The following CSMD1 variants were observed in gnomAD, a reference collection of about 807,000 sequenced individuals.
CSMD1 encodes the protein CUB and sushi domain-containing protein 1.
CSMD1 carries 213 observed loss-of-function variants against 417.5 expected under a neutral mutation model. The observed-to-expected ratio is 0.51, with a 90% CI of 0.46 to 0.57. CSMD1 has a LOEUF of 0.57. Ranked by LOEUF, CSMD1 falls within the 20% of genes least tolerant of loss-of-function variation. The pLI is 0.00. For missense variants in CSMD1, 6,923 were observed against 4,529.7 expected (o/e 1.53, Z -15.17); for synonymous variants, 2,862 against 1,736.8 (o/e 1.65, Z -16.11).
Position 3,367,043 on chromosome 8 carries a change from A to G in CSMD1, c.3104T>C (p.Ile1035Thr), listed in dbSNP as rs1585060071. Residue 1035 changes from isoleucine to threonine, a missense_variant, in exon 20 of 70, where the codon ATC becomes ACC. Physicochemically the swap from Ile to Thr is moderately conservative, Grantham distance 89. Transcript: ENST00000635120. ...CAAGACCAACATACCTGAAAATGTG[A>G]TATTGAAGCCCTCGTACGAAATTGA... ...DFSISYEGFN[I>T]TFSEYDLEPC... The G allele has an allele frequency of 6.2e-7, 1 of 1,613,010 alleles. No homozygotes were observed. Among genetic ancestry groups the G allele is most frequent in the Admixed American group, 1.7e-5 (1 of 59,962 alleles).
intron 3 of CSMD1, among the ~76,000 whole-genome samples, chr8:4,150,835 A>G (rs1796532625): frequency 2.0e-5 from 3 of 152,092 alleles, no homozygotes; most frequent in Admixed American, 2.0e-4. Context: ...GAGGGACAGA[A>G]TAACCTTAAC....
intron 11 of CSMD1, among the ~76,000 whole-genome samples, chr8:3,486,964 T>C (rs1352282779): frequency 6.6e-6 from 1 of 152,196 alleles, no homozygotes; most frequent in Non-Finnish European, 1.5e-5. Context: ...CTAGCCATCC[T>C]GAAGCTTGCT....
chr8:3,797,656 T>C (rs1800234343), intron 5 of CSMD1, among the ~76,000 whole-genome samples: 1 of 152,028 alleles, frequency 6.6e-6, no homozygotes, highest in South Asian at 2.1e-4. Flanking sequence ...TGTTATAATT[T>C]ATCTCTCCAA....
chr8:3,540,209 G>C (rs1024279397), intron 10 of CSMD1, among the ~76,000 whole-genome samples: 1 of 151,976 alleles, frequency 6.6e-6, no homozygotes, highest in Non-Finnish European at 1.5e-5. Flanking sequence ...CAATGTTTTA[G>C]GCTTATTAAA....
chr8:4,845,931 G>A (rs1444626009), intron 1 of CSMD1, among the ~76,000 whole-genome samples: 1 of 152,182 alleles, frequency 6.6e-6, no homozygotes, highest in Non-Finnish European at 1.5e-5. Context: ...TATGAACTTT[G>A]CCTATTTTGC....
intron 3 of CSMD1, among the ~76,000 whole-genome samples, chr8:4,226,882 C>T (rs889857479): frequency 2.6e-5 from 4 of 152,156 alleles, no homozygotes; most frequent in African/African-American, 9.7e-5. Flanking sequence ...ATAAGAAATA[C>T]ATATTTGAAC....
chr8:4,839,451 G>C lies in CSMD1; in HGVS notation c.85+154881C>G, dbSNP rs1019685142. On this transcript the variant is annotated intron_variant, in intron 1 of 69. Transcript: ENST00000635120. ...TTCTAGTTCTGAAAAAAAGTTGCTA[G>C]ACATTTAGAATGACATTTGCACTGA... 1.6e-4 allele frequency among the ~76,000 whole-genome samples: 25 copies of C among 152,134 alleles called. 1 individual carries two copies. The highest frequency in any genetic ancestry group is 1.6e-3 in the Admixed American group (24 of 15,272).
chr8:3,386,023 G>A (rs1438013274), intron 18 of CSMD1, among the ~76,000 whole-genome samples: 1 of 152,120 alleles, frequency 6.6e-6, no homozygotes, highest in African/African-American at 2.4e-5. Flanking sequence ...CTTTCCTGCT[G>A]CAATAGTAAT....
chr8:3,188,900 C>T lies in CSMD1; in HGVS notation c.5510G>A (p.Gly1837Asp). ...NCIWKIIVTE[G>D]SGIQIQVISF... is the part of the protein sequence containing the mutation. Reference sequence around the variant, plus strand: ...TCAAGGACTCACCTGAATTCCCGAGCCCTCCGTAACTATGATCTTCCATAT... The same window carrying T: ...TCAAGGACTCACCTGAATTCCCGAGTCCTCCGTAACTATGATCTTCCATAT... Residue 1837 changes from glycine (G) to aspartate (D), a missense_variant, in exon 35 of 70, where the codon GGC (glycine) becomes GAC (aspartate). Coordinates refer to ENST00000635120, the MANE Select transcript of CSMD1 (RefSeq NM_033225.6). 6.3e-7 allele frequency: 1 copy of T among 1,576,742 alleles called. No homozygotes were observed. Among genetic ancestry groups the T allele is most frequent in the Non-Finnish European group, 8.6e-7 (1 of 1,160,816 alleles).
chr8:4,644,084 C>T (rs146797627), intron 1 of CSMD1, among the ~76,000 whole-genome samples: 8 of 152,172 alleles, frequency 5.3e-5, no homozygotes, highest in Non-Finnish European at 7.4e-5. Context: ...GCCAAGGAAT[C>T]GATTTCTCAC....
intron 30 of CSMD1, among the ~76,000 whole-genome samples, chr8:3,209,692 A>T (rs1302314553): frequency 6.6e-6 from 1 of 152,222 alleles, no homozygotes; most frequent in Non-Finnish European, 1.5e-5. Flanking sequence ...TTCTCACCTT[A>T]GAAGTTATTT....
At chr8:4,159,653 A>G (rs1004078246) in intron 3 of CSMD1, among the ~76,000 whole-genome samples, 6 of 152,112 alleles carry the variant, frequency 3.9e-5, no homozygotes, top group Non-Finnish European at 8.8e-5. Context: ...CAGTGGCGCG[A>G]TCTCGGCTCA....
chr8:4,072,772 G>C (rs527918450), intron 3 of CSMD1, among the ~76,000 whole-genome samples: 3 of 152,216 alleles, frequency 2.0e-5, no homozygotes, highest in African/African-American at 7.2e-5. Flanking sequence ...TTCACATGGA[G>C]CCTCACAGTC....
chr8:4,818,250 T>C (rs557116335), intron 1 of CSMD1, among the ~76,000 whole-genome samples: 2 of 152,300 alleles, frequency 1.3e-5, no homozygotes, highest in African/African-American at 4.8e-5. Context: ...TCATTCTTTG[T>C]AACGATTTTC....
At chr8:3,294,365 T>C (rs551718075) in intron 25 of CSMD1, among the ~76,000 whole-genome samples, 5 of 152,334 alleles carry the variant, frequency 3.3e-5, no homozygotes, top group African/African-American at 1.2e-4. Flanking sequence ...GACAGGGACA[T>C]TTAAGTCTGC....
rs1387031809 is a variant in CSMD1, at chr8:4,045,971, C to T, written c.416-13872G>A. Among the ~76,000 whole-genome samples the T allele has an allele frequency of 2.0e-5, 3 of 152,018 alleles. No individual in the cohort carries two copies. The East Asian group carries it at 5.8e-4, about 29-fold the overall frequency. The stretch of plus-strand genomic sequence containing the variant: ...CATTCAAATCAAAGTATATTAGATT[C>T]CTGTGAAGTGGATATAATTCAAAAT... On this transcript the variant is annotated intron_variant, in intron 3 of 69. Coordinates refer to ENST00000635120, the MANE Select transcript of CSMD1 (RefSeq NM_033225.6).
chr8:3,141,540 C>T lies in CSMD1; in HGVS notation c.6241+925G>A, dbSNP rs1179481348. 2.6e-5 allele frequency among the ~76,000 whole-genome samples: 4 copies of T among 152,202 alleles called. No homozygotes were observed. The East Asian group carries it at 5.8e-4, about 22-fold the overall frequency. On this transcript the variant is annotated intron_variant, in intron 41 of 69. Coordinates refer to ENST00000635120, the MANE Select transcript of CSMD1 (RefSeq NM_033225.6). ...TTAGGGGTCATGCAGCCTCTGGTTCCAAGTCTGAACCTCCCCAAATTGCTC... is the reference window on the plus strand; with the variant it reads ...TTAGGGGTCATGCAGCCTCTGGTTCTAAGTCTGAACCTCCCCAAATTGCTC...
At chr8:3,797,755 A>G (rs1346292895) in intron 5 of CSMD1, among the ~76,000 whole-genome samples, 1 of 151,932 alleles carries the variant, frequency 6.6e-6, no homozygotes, top group Non-Finnish European at 1.5e-5. Flanking sequence ...GTGGACACGT[A>G]TTTTCATTAA....
chr8:4,249,901 G>C (rs996795648), intron 3 of CSMD1, among the ~76,000 whole-genome samples: 13 of 152,162 alleles, frequency 8.5e-5, no homozygotes, highest in African/African-American at 2.7e-4. Flanking sequence ...GGCAGTGCTA[G>C]AAGCTGGGAG....
Sources: allele counts gnomAD v4.1 joint callset (sites outside exome capture counted in the v4.1 genomes callset), GRCh38; gene constraint gnomAD v4.1.1; transcripts MANE v1.5; gene names NCBI Gene and HGNC (gene_info 2026-07-23, HGNC 2026-07-21).